The following KCND2 variants were observed in gnomAD, a reference collection of about 807,000 sequenced individuals.
KCND2 encodes potassium voltage-gated channel subfamily D member 2, also known as A-type voltage-gated potassium channel KCND2.
Under a neutral mutation model 54.4 loss-of-function variants are expected in KCND2, and 16 were observed. That is an observed-to-expected ratio of 0.29 (90% CI 0.20 to 0.45). The LOEUF is 0.45. KCND2 is among the 20% of genes least tolerant of loss of function. The pLI is 1.00. For missense variants in KCND2, 486 were observed against 824.2 expected, an observed-to-expected ratio of 0.59 and a Z score of 5.02; for synonymous variants, 317 against 310.7, an observed-to-expected ratio of 1.02 and a Z score of -0.21.
chr7:120,403,456 C>G (rs1465139773), intron 1 of KCND2, among the ~76,000 whole-genome samples: 1 of 150,978 alleles, frequency 6.6e-6, no homozygotes, highest in African/African-American at 2.4e-5. Flanking sequence ...GCTGGAATTA[C>G]AGGCGATGGC....
At chr7:120,690,301 C>T (rs184733996) in intron 1 of KCND2, among the ~76,000 whole-genome samples, 306 of 152,180 alleles carry the variant, frequency 2.0e-3, no homozygotes, top group Non-Finnish European at 3.1e-3. Flanking sequence ...AAAATAAAGA[C>T]ATACATACAT....
intron 1 of KCND2, among the ~76,000 whole-genome samples, chr7:120,277,312 G>A (rs1799190515): frequency 1.3e-5 from 2 of 152,090 alleles, no homozygotes; most frequent in African/African-American, 4.8e-5. Context: ...TAAGGATGAT[G>A]CAGAATGCCT....
chr7:120,304,170 T>C (rs1799619921), intron 1 of KCND2, among the ~76,000 whole-genome samples: 1 of 152,132 alleles, frequency 6.6e-6, no homozygotes, highest in Non-Finnish European at 1.5e-5. Flanking sequence ...CCCAGGGCTT[T>C]TGGATTTTGT....
intron 1 of KCND2, among the ~76,000 whole-genome samples, chr7:120,531,332 C>T (rs1356017616): frequency 2.0e-5 from 3 of 152,016 alleles, no homozygotes; most frequent in African/African-American, 7.2e-5. Context: ...CTGCCTTTAC[C>T]CATGCACTTC....
chr7:120,443,714 C>CA (rs1351993161), intron 1 of KCND2, among the ~76,000 whole-genome samples: 3 of 151,854 alleles, frequency 2.0e-5, no homozygotes, highest in Non-Finnish European at 4.4e-5. Flanking sequence ...ATTTGATGTC[C>CA]AATACCTAAG....
At chr7:120,366,500 A>G (rs1287364073) in intron 1 of KCND2, among the ~76,000 whole-genome samples, 4 of 149,190 alleles carry the variant, frequency 2.7e-5, no homozygotes, top group African/African-American at 7.4e-5. Context: ...AAAAAAAAAA[A>G]GGGAGGGAGG....
intron 1 of KCND2, among the ~76,000 whole-genome samples, chr7:120,652,691 T>C (rs1267220127): frequency 6.6e-6 from 1 of 152,114 alleles, no homozygotes; most frequent in African/African-American, 2.4e-5. Context: ...GCAAACTGTC[T>C]TTATGGAGAA....
At chr7:120,494,446 G>A (rs1802823413) in intron 1 of KCND2, among the ~76,000 whole-genome samples, 1 of 152,104 alleles carries the variant, frequency 6.6e-6, no homozygotes, top group African/African-American at 2.4e-5. Flanking sequence ...TTCTACTGAA[G>A]AGAGAAATCA....
chr7:120,462,064 A>G (rs899505333), intron 1 of KCND2, among the ~76,000 whole-genome samples: 2 of 152,134 alleles, frequency 1.3e-5, no homozygotes, highest in African/African-American at 4.8e-5. Flanking sequence ...AGAAGTGCTA[A>G]CAGGTTTTTA....
chr7:120,637,195 T>A (rs951892753), intron 1 of KCND2, among the ~76,000 whole-genome samples: 2 of 152,098 alleles, frequency 1.3e-5, no homozygotes, highest in African/African-American at 2.4e-5. Flanking sequence ...TCAAATTGAG[T>A]CTTCATAATC....
At chr7:120,470,586 T>G (rs1188433912) in intron 1 of KCND2, among the ~76,000 whole-genome samples, 1 of 152,066 alleles carries the variant, frequency 6.6e-6, no homozygotes, top group Non-Finnish European at 1.5e-5. Context: ...ACTATCTGCT[T>G]TGTTGTTGTT....
intron 1 of KCND2, among the ~76,000 whole-genome samples, chr7:120,481,942 ACT>A (rs1244271315): frequency 6.6e-6 from 1 of 152,054 alleles, no homozygotes; most frequent in Non-Finnish European, 1.5e-5. Context: ...TTAGGGTAAA[ACT>A]CTGTGGAGCT....
At chr7:120,728,138 AAAAAAAAAAAGAAAG>A (rs1792758574) in intron 1 of KCND2, among the ~76,000 whole-genome samples, 1 of 150,678 alleles carries the variant, frequency 6.6e-6, no homozygotes, top group Admixed American at 6.6e-5. Flanking sequence ...GTCTCAAAAA[AAAAAAAAAAAGAAAG>A]AAAGAAAAAA....
chr7:120,516,221 A>C (rs576457269), intron 1 of KCND2, among the ~76,000 whole-genome samples: 1 of 152,292 alleles, frequency 6.6e-6, no homozygotes, highest in East Asian at 1.9e-4. Context: ...TTAGAAAATT[A>C]GTTTTATTCT....
chr7:120,473,754 G>A (rs1182329698), intron 1 of KCND2, among the ~76,000 whole-genome samples: 1 of 152,090 alleles, frequency 6.6e-6, no homozygotes, highest in Non-Finnish European at 1.5e-5. Context: ...AATCGTGACA[G>A]TGTACAGGAT....
At chr7:120,363,477 A>G (rs1393433879) in intron 1 of KCND2, among the ~76,000 whole-genome samples, 1 of 152,052 alleles carries the variant, frequency 6.6e-6, no homozygotes, top group Non-Finnish European at 1.5e-5. Context: ...CTTGATTCCA[A>G]GCTCTTTCTC....
rs1293017987 is a variant in KCND2 at position 120,748,766 on chromosome 7, G to A, written c.*908G>A. 2 of 151,970 alleles carry A rather than the reference G, an allele frequency of 1.3e-5. No homozygotes were observed. Among genetic ancestry groups the A allele is most frequent in the African/African-American group, 4.8e-5 (2 of 41,430 alleles). 9.4% of individuals were successfully genotyped at this position (151,970 alleles called of 1,614,324 possible). A position where few individuals can be genotyped will look rare whatever the true frequency, so the allele number is the denominator to read the frequency against. Reference sequence around the variant, plus strand: ...ACTATTGTGCCATAAATGTTTTTCAGTAATATTTTTTGGTCCACTGTATTC... The same window carrying A: ...ACTATTGTGCCATAAATGTTTTTCAATAATATTTTTTGGTCCACTGTATTC... On this transcript the variant is annotated 3_prime_UTR_variant, in exon 6 of 6. Coordinates refer to ENST00000331113, the MANE Select transcript of KCND2 (RefSeq NM_012281.3).
At chr7:120,539,818 T>G (rs1382536533) in intron 1 of KCND2, among the ~76,000 whole-genome samples, 2 of 152,124 alleles carry the variant, frequency 1.3e-5, no homozygotes, top group Non-Finnish European at 2.9e-5. Flanking sequence ...ACAGTATTAT[T>G]CTCATGTGAT....
intron 1 of KCND2, among the ~76,000 whole-genome samples, chr7:120,496,416 A>T (rs906092983): frequency 1.3e-4 from 20 of 151,286 alleles, no homozygotes; most frequent in Non-Finnish European, 1.8e-4. Context: ...TATATATATA[A>T]AAATATATAA....
Sources: gnomAD v4.1 joint callset for allele counts (sites outside exome capture counted in the v4.1 genomes callset) on GRCh38, gnomAD v4.1.1 for gene constraint, MANE v1.5 for transcripts, NCBI Gene and HGNC (gene_info 2026-07-23, HGNC 2026-07-21) for gene names.